Variants in PVT1 observed in about 807,000 individuals in gnomAD.
PVT1 encodes the protein CXCR4/PVT1 fusion.
At chr8:127,969,593 G>A (rs1271078560) in intron 3 of PVT1, among the ~76,000 whole-genome samples, 20 of 152,176 alleles carry the variant, frequency 1.3e-4, no homozygotes, top group Admixed American at 1.2e-3. Flanking sequence ...ATTGTGCTGG[G>A]CTTCCAAGGA....
chr8:128,048,993 T>C (rs1175965914), intron 4 of PVT1, among the ~76,000 whole-genome samples: 2 of 152,260 alleles, frequency 1.3e-5, no homozygotes, highest in African/African-American at 4.8e-5. Context: ...CCTTCTCCAC[T>C]GGACTCTGTG....
At chr8:127,838,561 T>A (rs1185620669) in intron 2 of PVT1, among the ~76,000 whole-genome samples, 2 of 152,062 alleles carry the variant, frequency 1.3e-5, no homozygotes, top group Non-Finnish European at 2.9e-5. Context: ...AAAACTTAGC[T>A]GGGTGTGCTG....
At chr8:128,014,558 G>A (rs142339416) in intron 4 of PVT1, among the ~76,000 whole-genome samples, 5 of 152,316 alleles carry the variant, frequency 3.3e-5, no homozygotes, top group African/African-American at 1.2e-4. Flanking sequence ...CCGCCTGGCC[G>A]TGTCTGGCCG....
At chr8:127,914,609 A>G (rs1815958099) in intron 3 of PVT1, among the ~76,000 whole-genome samples, 1 of 152,202 alleles carries the variant, frequency 6.6e-6, no homozygotes, top group Admixed American at 6.5e-5. Flanking sequence ...TGTAAAATGG[A>G]ATGAGACATT....
chr8:127,993,823 C>T (rs1817072841), intron 4 of PVT1, among the ~76,000 whole-genome samples: 1 of 152,212 alleles, frequency 6.6e-6, no homozygotes, highest in African/African-American at 2.4e-5. Flanking sequence ...TTTCTCCTTT[C>T]TTGTATTGCA....
chr8:127,913,974 T>C (rs1465947292), intron 3 of PVT1, among the ~76,000 whole-genome samples: 4 of 152,006 alleles, frequency 2.6e-5, no homozygotes, highest in Non-Finnish European at 5.9e-5. Flanking sequence ...ACACCTGCTT[T>C]TCAGTAGTGG....
At chr8:127,801,265 A>C (rs941722315) in intron 2 of PVT1, among the ~76,000 whole-genome samples, 5 of 152,190 alleles carry the variant, frequency 3.3e-5, no homozygotes, top group African/African-American at 1.2e-4. Flanking sequence ...GTTATGAGGC[A>C]GAGTCTTGCT....
chr8:127,804,174 C>T (rs541588540), intron 2 of PVT1, among the ~76,000 whole-genome samples: 32 of 152,224 alleles, frequency 2.1e-4, no homozygotes, highest in Admixed American at 1.6e-3. Flanking sequence ...TATGATTACA[C>T]CACTGTACTC....
At chr8:127,845,633 G>C (rs1162165200) in intron 2 of PVT1, among the ~76,000 whole-genome samples, 1 of 152,134 alleles carries the variant, frequency 6.6e-6, no homozygotes, top group African/African-American at 2.4e-5. Flanking sequence ...TCCACCTACC[G>C]GATGGGATTA....
intron 6 of PVT1, among the ~76,000 whole-genome samples, chr8:128,097,876 G>T (rs1814448595): frequency 6.6e-6 from 1 of 152,056 alleles, no homozygotes; most frequent in Non-Finnish European, 1.5e-5. Context: ...ACAGCCAGTG[G>T]ACAGGCATTT....
At chr8:127,927,340 A>G (rs1018945472) in intron 3 of PVT1, among the ~76,000 whole-genome samples, 4 of 152,228 alleles carry the variant, frequency 2.6e-5, no homozygotes, top group Admixed American at 1.3e-4. Flanking sequence ...CAGCCTCGCC[A>G]GATAGTTGTC....
intron 2 of PVT1, among the ~76,000 whole-genome samples, chr8:127,866,592 C>T (rs1408818825): frequency 6.6e-6 from 1 of 151,836 alleles, no homozygotes; most frequent in East Asian, 1.9e-4. Context: ...ATGGGGTGGT[C>T]GCAGGGGGAA....
intron 6 of PVT1, among the ~76,000 whole-genome samples, chr8:128,097,729 T>C (rs756655969): frequency 6.6e-6 from 1 of 152,184 alleles, no homozygotes; most frequent in Non-Finnish European, 1.5e-5. Context: ...TGAGAATCTA[T>C]TAAGTAACAG....
At chr8:127,920,152 A>G (rs1455387857) in intron 3 of PVT1, among the ~76,000 whole-genome samples, 1 of 152,056 alleles carries the variant, frequency 6.6e-6, no homozygotes, top group Non-Finnish European at 1.5e-5. Context: ...GCATGAATAA[A>G]CTCACTGCCA....
At chr8:127,946,945 A>T in intron 3 of PVT1, 1 of 152,196 alleles carries the variant, frequency 6.6e-6, no homozygotes, top group Non-Finnish European at 1.5e-5. Context: ...GCTTCCTCCA[A>T]GCAGCAGGCT....
intron 2 of PVT1, among the ~76,000 whole-genome samples, chr8:127,851,641 T>G (rs1404655451): frequency 6.6e-6 from 1 of 152,034 alleles, no homozygotes; most frequent in Non-Finnish European, 1.5e-5. Flanking sequence ...TAACCTCTCC[T>G]TGGCAAGCAG....
At chr8:127,998,939 C>T (rs1817142580) in intron 4 of PVT1, among the ~76,000 whole-genome samples, 1 of 150,954 alleles carries the variant, frequency 6.6e-6, no homozygotes, top group Non-Finnish European at 1.5e-5. Flanking sequence ...TGTATATTTC[C>T]AGCCCCAGTT....
chr8:127,835,726 C>G (rs1247150078), intron 2 of PVT1, among the ~76,000 whole-genome samples: 1 of 152,148 alleles, frequency 6.6e-6, no homozygotes, highest in African/African-American at 2.4e-5. Flanking sequence ...AATGAGCATT[C>G]TCTGAAATTG....
chr8:127,823,908 T>G (rs1814759872), intron 2 of PVT1, among the ~76,000 whole-genome samples: 1 of 152,188 alleles, frequency 6.6e-6, no homozygotes, highest in East Asian at 1.9e-4. Flanking sequence ...AGGGGCTATC[T>G]GAGGCTGGGT....
Sources: allele counts gnomAD v4.1 joint callset (sites outside exome capture counted in the v4.1 genomes callset), GRCh38; gene constraint gnomAD v4.1.1; transcripts MANE v1.5; gene names NCBI Gene and HGNC (gene_info 2026-07-23, HGNC 2026-07-21).